Variants in NBN observed in about 807,000 individuals in gnomAD.
The protein encoded by NBN is Nijmegen breakage syndrome 1 (nibrin).
NBN carries 88 observed loss-of-function variants against 90.8 expected under a neutral mutation model. That is an observed-to-expected ratio of 0.97 (90% CI 0.82 to 1.16). The LOEUF is 1.16. Among genes scored for constraint, NBN ranks in the 50% most tolerant of loss-of-function variants. The probability of loss-of-function intolerance (pLI) is 0.00; values close to 1 mark genes in which losing one functional copy is unlikely to be tolerated. For synonymous variants in NBN, 328 were observed against 295.1 expected (o/e 1.11, Z -1.14); for missense variants, 894 against 869.6 (o/e 1.03, Z -0.35).
chr8:89,954,366 C>A (rs766566311), intron 10 of NBN, among the ~76,000 whole-genome samples: 1 of 152,026 alleles, frequency 6.6e-6, no homozygotes, highest in Middle Eastern at 3.2e-3. Context: ...AGGTACTGGA[C>A]AAACCAACCA....
At chr8:89,950,987 A>G (rs1810418302) in intron 11 of NBN, among the ~76,000 whole-genome samples, 1 of 152,080 alleles carries the variant, frequency 6.6e-6, no homozygotes, top group Non-Finnish European at 1.5e-5. Context: ...TGTGGCCACC[A>G]TAGCAGTAGA....
intron 5 of NBN, among the ~76,000 whole-genome samples, chr8:89,974,251 CTT>C (rs905605538): frequency 2.8e-5 from 3 of 106,494 alleles, no homozygotes; most frequent in African/African-American, 3.7e-5. Context: ...TACTATATGG[CTT>C]TTTTTTTTTT....
intron 10 of NBN, 48 bp from the exon 11 acceptor site, chr8:89,953,739 G>A (rs1423434937): frequency 1.4e-6 from 2 of 1,433,760 alleles, no homozygotes; most frequent in African/African-American, 1.4e-5. Flanking sequence ...AATGAACACA[G>A]CTAAGTAACC....
At position 89,955,421 on chromosome 8, in the gene NBN, GTATT is replaced by G. The variant is rs1238152597; in HGVS notation, c.1255_1258del (p.Asn419LeufsTer5). On this transcript the variant is annotated frameshift_variant, in exon 10 of 16. Transcript: ENST00000265433. LOFTEE classifies it high-confidence loss of function. The stretch of plus-strand genomic sequence containing the variant: ...GTTTGGGATTCTCATCTTAGCCAAA[GTATT>G]TGATACCATACTATTATTATTAGAG... 6 of 1,613,702 alleles carry G rather than the reference GTATT, an allele frequency of 3.7e-6. No homozygotes were observed. In the African/African-American group the frequency reaches 8.0e-5, roughly 22 times the overall value.
chr8:89,951,811 C>CG (rs1333730429), intron 11 of NBN, among the ~76,000 whole-genome samples: 2 of 152,066 alleles, frequency 1.3e-5, no homozygotes, highest in Non-Finnish European at 2.9e-5. Context: ...AAATGGAATC[C>CG]GATAATTCAA....
chr8:89,937,556 C>A (rs1363334994), intron 14 of NBN, among the ~76,000 whole-genome samples: 2 of 152,186 alleles, frequency 1.3e-5, no homozygotes, highest in African/African-American at 4.8e-5. Flanking sequence ...TAAATACAAA[C>A]TCACTAAACT....
chr8:89,950,749 T>C (rs1563520772), intron 11 of NBN, among the ~76,000 whole-genome samples: 1 of 41,566 alleles, frequency 2.4e-5, no homozygotes, highest in African/African-American at 4.4e-4. Context: ...TAAATGAAAG[T>C]TTCTTTCGGT....
At chr8:89,964,645 AC>A (rs1811161611) in intron 7 of NBN, 138 bp from the exon 8 acceptor site, 2 of 814,858 alleles carry the variant, frequency 2.5e-6, no homozygotes, top group South Asian at 3.5e-5. Flanking sequence ...AATGCAGAGT[AC>A]TATAATAGCT....
rs786201965 is a variant in NBN at position 89,943,367 on chromosome 8, C to T, written c.2071-1G>A. 8.1e-6 allele frequency: 13 copies of T among 1,600,664 alleles called. No homozygotes were observed. The highest frequency in any genetic ancestry group is 1.7e-5 in the Admixed American group (1 of 59,986). On this transcript the variant is annotated splice_acceptor_variant, in intron 13 of 15. Coordinates refer to ENST00000265433, the MANE Select transcript of NBN (RefSeq NM_002485.5). LOFTEE classifies it high-confidence loss of function. Reference sequence around the variant, plus strand: ...GTTTTCCTGCTCCAGGATATGTGACCTATTGAATAATAAAAGTAGTACAGT... The same window carrying T: ...GTTTTCCTGCTCCAGGATATGTGACTTATTGAATAATAAAAGTAGTACAGT...
Position 89,970,502 on chromosome 8 carries a change from G to A in NBN, c.758C>T (p.Thr253Ile), listed in dbSNP as rs61754967. 2.1e-4 allele frequency: 346 copies of A among 1,613,778 alleles called. 2 individuals are homozygous for A. The South Asian group carries it at 3.6e-3, about 17-fold the overall frequency. ...ATTATGTTCTTCTTCATTCTCTTCT[G>A]TTATCAACCTAGCTTCCCCACCTCC... Reference protein sequence around the residue: ...VFGGGEARLITEENEEEHNFF... With the variant: ...VFGGGEARLIIEENEEEHNFF... Residue 253 changes from threonine to isoleucine, a missense_variant, in exon 7 of 16, where the codon ACA becomes ATA. Physicochemically the swap from Thr to Ile is moderately conservative, Grantham distance 89. Coordinates refer to ENST00000265433, the MANE Select transcript of NBN (RefSeq NM_002485.5).
chr8:89,954,005 G>A (rs1245590847), intron 10 of NBN, among the ~76,000 whole-genome samples: 2 of 152,042 alleles, frequency 1.3e-5, no homozygotes, highest in Non-Finnish European at 2.9e-5. Flanking sequence ...AGAAACTGTT[G>A]CCAAGAGACA....
chr8:89,936,917 G>A lies in NBN; in HGVS notation c.2234+109C>T, dbSNP rs1045014248. The stretch of plus-strand genomic sequence containing the variant: ...AATAAACACTTGTGTTAGGTGAAGG[G>A]ACTAGGTGTCTATGAGGACAGAAGA... On this transcript the variant is annotated intron_variant, in intron 15 of 15. Transcript: ENST00000265433. 3.7e-5 allele frequency: 30 copies of A among 804,354 alleles called. No individual in the cohort carries two copies. In the Admixed American group the frequency reaches 4.0e-4, roughly 11 times the overall value. The allele number at this position is 804,354 out of a possible 1,614,324, so 49.8% of individuals were successfully genotyped here.
At chr8:89,941,681 T>C (rs1340088732) in intron 14 of NBN, among the ~76,000 whole-genome samples, 1 of 152,206 alleles carries the variant, frequency 6.6e-6, no homozygotes, top group African/African-American at 2.4e-5. Context: ...CTTAACTGTT[T>C]AAATAGGTAA....
intron 8 of NBN, 52 bp from the exon 9 acceptor site, chr8:89,958,906 G>A (rs1215299476): frequency 1.2e-6 from 2 of 1,604,658 alleles, no homozygotes; most frequent in Non-Finnish European, 1.7e-6. Flanking sequence ...GATAGAAGAT[G>A]AACATCTGGT....
chr8:89,949,613 C>G (rs915013204), intron 11 of NBN, among the ~76,000 whole-genome samples: 2 of 152,132 alleles, frequency 1.3e-5, no homozygotes, highest in Non-Finnish European at 2.9e-5. Context: ...GAATATTAAG[C>G]TAATAGTTTT....
chr8:89,975,700 C>A (rs1056303786), intron 5 of NBN, among the ~76,000 whole-genome samples: 82 of 151,978 alleles, frequency 5.4e-4, no homozygotes, highest in African/African-American at 1.5e-3. Context: ...TGAACTTGGT[C>A]AAAAACAACC....
At position 89,955,426 on chromosome 8, in the gene NBN, T is replaced by C. The variant is rs2129719709; in HGVS notation, c.1254A>G (p.Ser418=). 1.2e-6 allele frequency: 2 copies of C among 1,613,900 alleles called. No individual in the cohort carries two copies. Among genetic ancestry groups the C allele is most frequent in the Non-Finnish European group, 1.7e-6 (2 of 1,179,820 alleles). ...KTSSNNNSMV[S]NTLAKMRIPN... is the part of the protein sequence containing the mutation. ...GGATTCTCATCTTAGCCAAAGTATT[T>C]GATACCATACTATTATTATTAGAGC... The change falls in exon 10 of 16, where the codon TCA becomes TCG. Residue 418 remains serine (S), a synonymous_variant. Transcript: ENST00000265433.
chr8:89,951,922 G>A (rs1332152660), intron 11 of NBN, among the ~76,000 whole-genome samples: 1 of 152,166 alleles, frequency 6.6e-6, no homozygotes. Flanking sequence ...AGGATAGAGA[G>A]TGGCTAAATT....
rs538374977 is a variant in NBN at position 89,935,133 on chromosome 8, C to T, written c.*449G>A. 2 of 244,484 alleles carry T rather than the reference C, an allele frequency of 8.2e-6. No homozygotes were observed. Among genetic ancestry groups the T allele is most frequent in the Non-Finnish European group, 8.0e-6 (1 of 125,122 alleles). The allele number at this position is 244,484 out of a possible 1,614,324, so 15.1% of individuals were successfully genotyped here. A position where few individuals can be genotyped will look rare whatever the true frequency, so the allele number is the denominator to read the frequency against. On this transcript the variant is annotated 3_prime_UTR_variant, in exon 16 of 16. Transcript: ENST00000265433. ...CTAAGTAAAAAAGCAAGGTGTAGAACACTGCATATGTTATGCTATCATTTG... is the reference window on the plus strand; with the variant it reads ...CTAAGTAAAAAAGCAAGGTGTAGAATACTGCATATGTTATGCTATCATTTG...
Sources: gnomAD v4.1 joint callset for allele counts (sites outside exome capture counted in the v4.1 genomes callset) on GRCh38, gnomAD v4.1.1 for gene constraint, MANE v1.5 for transcripts, NCBI Gene and HGNC (gene_info 2026-07-23, HGNC 2026-07-21) for gene names.